Variants in BRAF observed in about 807,000 individuals in gnomAD.
The protein encoded by BRAF is B-Raf proto-oncogene, serine/threonine kinase, also known as serine/threonine-protein kinase B-raf.
A neutral mutation model predicts 104.6 loss-of-function variants in BRAF; 16 were observed. That is an observed-to-expected ratio of 0.15 (90% CI 0.10 to 0.23). The LOEUF (loss-of-function observed/expected upper bound fraction) is 0.23, where lower values mean the gene tolerates loss of function less well. Among genes scored for constraint, BRAF ranks in the 10% least tolerant of loss-of-function variants. The pLI is 1.00. For missense variants in BRAF, 541 were observed against 937.3 expected (o/e 0.58, Z 5.52); for synonymous variants, 310 against 341.6 (o/e 0.91, Z 1.02).
chr7:140,752,859 T>TG (rs1184975775), intron 16 of BRAF, among the ~76,000 whole-genome samples: 1 of 152,032 alleles, frequency 6.6e-6, no homozygotes, highest in African/African-American at 2.4e-5. Flanking sequence ...ATTGCATACC[T>TG]GTTTTTTTTT....
intron 3 of BRAF, among the ~76,000 whole-genome samples, chr7:140,829,982 A>G (rs546160752): frequency 6.6e-6 from 1 of 152,176 alleles, no homozygotes; most frequent in South Asian, 2.1e-4. Flanking sequence ...ACTTTATCTC[A>G]TATCTTAAAA....
chr7:140,893,115 C>T (rs956747100), intron 1 of BRAF, among the ~76,000 whole-genome samples: 12 of 152,222 alleles, frequency 7.9e-5, no homozygotes, highest in Admixed American at 2.0e-4. Flanking sequence ...GGAAAAAAGA[C>T]ATTAAAAATG....
chr7:140,909,369 G>A (rs1207125748), intron 1 of BRAF, among the ~76,000 whole-genome samples: 3 of 152,082 alleles, frequency 2.0e-5, no homozygotes, highest in Admixed American at 1.3e-4. Flanking sequence ...AGGTTTTGGT[G>A]AGCACGCCAT....
At chr7:140,734,173 T>C (rs1263033598) in intron 19 of BRAF, 4 of 1,081,058 alleles carry the variant, frequency 3.7e-6, no homozygotes, top group Non-Finnish European at 2.3e-6. Context: ...GTTTGCCTTA[T>C]CTAACCCAGG....
intron 2 of BRAF, among the ~76,000 whole-genome samples, chr7:140,842,753 A>G (rs535479744): frequency 6.6e-6 from 1 of 152,152 alleles, no homozygotes; most frequent in Non-Finnish European, 1.5e-5. Context: ...GAGAAGACAA[A>G]TTTGAAATTC....
chr7:140,839,933 G>A (rs932200481), intron 2 of BRAF, among the ~76,000 whole-genome samples: 1 of 152,102 alleles, frequency 6.6e-6, no homozygotes, highest in African/African-American at 2.4e-5. Flanking sequence ...AGCCACCTCT[G>A]AGGTATTTTT....
At chr7:140,903,969 A>G (rs1032105998) in intron 1 of BRAF, among the ~76,000 whole-genome samples, 11 of 152,368 alleles carry the variant, frequency 7.2e-5, no homozygotes, top group African/African-American at 2.4e-4. Flanking sequence ...ATGAGTAAAA[A>G]AAGTGGTTTC....
At position 140,834,677 on chromosome 7, in the gene BRAF, G is replaced by A. The variant is rs769648920; in HGVS notation, c.436C>T (p.Arg146Trp). Residue 146 changes from arginine (R) to tryptophan (W), a missense_variant, in exon 3 of 20, where the codon CGG becomes TGG. Arg to Trp is a moderately radical substitution (Grantham distance 101). Coordinates refer to ENST00000644969, the MANE Select transcript of BRAF (RefSeq NM_001374258.1). The stretch of plus-strand genomic sequence containing the variant: ...TTTTGTGGTGACTTGGGGTTGCTCC[G>A]TGCCACATCTGTGGGATTTTGAAAA... The part of the protein sequence containing the change: ...SVFQNPTDVA[R>W]SNPKSPQKPI... The A allele has an allele frequency of 3.1e-6, 5 of 1,614,120 alleles. No individual in the cohort carries two copies. Among genetic ancestry groups the A allele is most frequent in the East Asian group, 2.2e-5 (1 of 44,880 alleles).
At position 140,761,479 on chromosome 7, in the gene BRAF, AC is replaced by A. The variant is rs1798727783; in HGVS notation, c.1815-7247del. On this transcript the variant is annotated intron_variant, in intron 14 of 19. Transcript: ENST00000644969. The stretch of plus-strand genomic sequence containing the variant: ...TCGAGACTAGGAAGAAACTGCATCA[AC>A]TAACGAGCAAAATAACCAGCTAATA... Among the ~76,000 whole-genome samples, 7 of 152,244 alleles carry A rather than the reference AC, an allele frequency of 4.6e-5. 1 individual carries two copies. Among genetic ancestry groups the A allele is most frequent in the Admixed American group, 4.6e-4 (7 of 15,286 alleles).
At chr7:140,896,231 T>C (rs528124554) in intron 1 of BRAF, among the ~76,000 whole-genome samples, 3 of 152,258 alleles carry the variant, frequency 2.0e-5, no homozygotes, top group South Asian at 2.1e-4. Context: ...AGGTAGGTCT[T>C]TGATCCATTT....
chr7:140,730,001 T>C (rs1201394035), intron 19 of BRAF, among the ~76,000 whole-genome samples: 2 of 152,062 alleles, frequency 1.3e-5, no homozygotes, highest in African/African-American at 4.8e-5. Flanking sequence ...ATACTTGGTG[T>C]TGAGGGGAAA....
chr7:140,790,064 G>C (rs1259897371), intron 8 of BRAF, among the ~76,000 whole-genome samples: 1 of 151,924 alleles, frequency 6.6e-6, no homozygotes, highest in Non-Finnish European at 1.5e-5. Context: ...GATAACTATA[G>C]GACTTGGTCA....
chr7:140,894,449 A>G (rs1408210848), intron 1 of BRAF, among the ~76,000 whole-genome samples: 1 of 152,202 alleles, frequency 6.6e-6, no homozygotes, highest in African/African-American at 2.4e-5. Flanking sequence ...ATTTTTTTCA[A>G]TGACAAGGTT....
At chr7:140,753,894 A>G (rs1293601438) in intron 15 of BRAF, 1 of 464,744 alleles carries the variant, frequency 2.2e-6, no homozygotes, top group East Asian at 4.1e-5. Flanking sequence ...GGACTAATAG[A>G]TAGCTACAAA....
chr7:140,907,732 C>A (rs1330104722), intron 1 of BRAF, among the ~76,000 whole-genome samples: 1 of 151,634 alleles, frequency 6.6e-6, no homozygotes, highest in Admixed American at 6.6e-5. Flanking sequence ...GGATTACAGG[C>A]ATGAACCAAA....
chr7:140,772,272 TACAACA>T (rs61337459), intron 14 of BRAF, among the ~76,000 whole-genome samples: 80,192 of 149,106 alleles, frequency 0.54, 23,137 homozygotes, highest in East Asian at 0.73. Context: ...ATTGTTTAAC[TACAACA>T]ACAACAACAA....
rs192963583 is a variant in BRAF at position 140,802,531 on chromosome 7, C to T, written c.712-971G>A. Reference sequence around the variant, plus strand: ...CAGGCTGGTCTTGAACTCCTGACCTCAGGTGATGCGTCTGCCTAGGCCTCC... The same window carrying T: ...CAGGCTGGTCTTGAACTCCTGACCTTAGGTGATGCGTCTGCCTAGGCCTCC... On this transcript the variant is annotated intron_variant, in intron 5 of 19. Coordinates refer to ENST00000644969, the MANE Select transcript of BRAF (RefSeq NM_001374258.1). 1.9e-4 allele frequency among the ~76,000 whole-genome samples: 29 copies of T among 152,108 alleles called. No individual in the cohort carries two copies. The East Asian group carries it at 5.2e-3, about 27-fold the overall frequency.
At chr7:140,734,500 A>G in intron 19 of BRAF, 1 of 1,603,404 alleles carries the variant, frequency 6.2e-7, no homozygotes, top group Admixed American at 1.7e-5. Flanking sequence ...ACCTTAAAAA[A>G]AAAGAGAGTA....
At chr7:140,896,304 T>C (rs770482328) in intron 1 of BRAF, among the ~76,000 whole-genome samples, 1 of 152,072 alleles carries the variant, frequency 6.6e-6, no homozygotes, top group Non-Finnish European at 1.5e-5. Context: ...TATATGAATA[T>C]CCAGTAAAAA....
Sources: allele counts gnomAD v4.1 joint callset (sites outside exome capture counted in the v4.1 genomes callset), GRCh38; gene constraint gnomAD v4.1.1; transcripts MANE v1.5; gene names NCBI Gene and HGNC (gene_info 2026-07-23, HGNC 2026-07-21).